The following TRPC4 variants were observed in gnomAD, a reference collection of about 807,000 sequenced individuals.
TRPC4 encodes transient receptor potential cation channel subfamily C member 4.
TRPC4 carries 49 observed loss-of-function variants against 99.4 expected under a neutral mutation model. That is an observed-to-expected ratio of 0.49 (90% CI 0.39 to 0.63). TRPC4 has a LOEUF of 0.63. TRPC4 is among the 20% of genes least tolerant of loss of function. The probability of loss-of-function intolerance (pLI) is 0.00; values close to 1 mark genes in which losing one functional copy is unlikely to be tolerated. For missense variants in TRPC4, 898 were observed against 1,152.9 expected (o/e 0.78, Z 3.20); for synonymous variants, 454 against 425.9 (o/e 1.07, Z -0.81).
chr13:37,642,092 A>T (rs573162785), intron 8 of TRPC4, among the ~76,000 whole-genome samples: 31 of 152,264 alleles, frequency 2.0e-4, no homozygotes, highest in African/African-American at 7.2e-4. Flanking sequence ...AAATCGTTAG[A>T]TGCCTTCAGC....
rs184484468 is a variant in TRPC4, at chr13:37,812,620, T to C, written c.-27-29260A>G. Reference sequence around the variant, plus strand: ...AAGAGAAAAAATTAAAAGAGCATTATTAAGCTGTGGAACACAGTCAGTCAC... The same window carrying C: ...AAGAGAAAAAATTAAAAGAGCATTACTAAGCTGTGGAACACAGTCAGTCAC... On this transcript the variant is annotated intron_variant, in intron 1 of 10. Coordinates refer to ENST00000379705, the MANE Select transcript of TRPC4 (RefSeq NM_016179.4). 3.1e-3 allele frequency among the ~76,000 whole-genome samples: 475 copies of C among 152,152 alleles called. 3 individuals are homozygous for C. Among genetic ancestry groups the C allele is most frequent in the African/African-American group, 0.011 (454 of 41,548 alleles).
In TRPC4 at chr13:37,636,735, T is replaced by C; in HGVS notation, c.*168A>G. ...AAAAGCAGGCTACAAAACAAAAAGGTTTTTGATTGCCTTTGCCTTATTTAA... is the reference window on the plus strand; with the variant it reads ...AAAAGCAGGCTACAAAACAAAAAGGCTTTTGATTGCCTTTGCCTTATTTAA... On this transcript the variant is annotated 3_prime_UTR_variant, in exon 11 of 11. Transcript: ENST00000379705. 1 of 896,610 alleles carries C rather than the reference T, an allele frequency of 1.1e-6. No homozygotes were observed. The highest frequency in any genetic ancestry group is 1.5e-6 in the Non-Finnish European group (1 of 654,676). 55.5% of individuals were successfully genotyped at this position (896,610 alleles called of 1,614,324 possible). A position where few individuals can be genotyped will look rare whatever the true frequency, so the allele number is the denominator to read the frequency against.
At chr13:37,700,405 T>G (rs968591318) in intron 3 of TRPC4, among the ~76,000 whole-genome samples, 8 of 151,992 alleles carry the variant, frequency 5.3e-5, no homozygotes, top group African/African-American at 1.9e-4. Flanking sequence ...CACAGAGGAG[T>G]GGCATGTTCA....
intron 1 of TRPC4, among the ~76,000 whole-genome samples, chr13:37,831,058 C>G (rs559968202): frequency 6.6e-6 from 1 of 151,750 alleles, no homozygotes; most frequent in South Asian, 2.1e-4. Flanking sequence ...TGCCTTGTCT[C>G]TTCGCTCTGT....
At chr13:37,851,486 C>T (rs1318460248) in intron 1 of TRPC4, among the ~76,000 whole-genome samples, 1 of 151,820 alleles carries the variant, frequency 6.6e-6, no homozygotes, top group Non-Finnish European at 1.5e-5. Flanking sequence ...TTTATGAGAC[C>T]TAAAATATAA....
chr13:37,761,979 A>T (rs931395636), intron 2 of TRPC4, among the ~76,000 whole-genome samples: 4 of 151,876 alleles, frequency 2.6e-5, no homozygotes, highest in African/African-American at 9.7e-5. Flanking sequence ...CAGGAATAAC[A>T]ATTAAATATT....
intron 1 of TRPC4, among the ~76,000 whole-genome samples, chr13:37,842,134 G>T (rs1045511960): frequency 2.6e-5 from 4 of 151,544 alleles, no homozygotes; most frequent in Non-Finnish European, 5.9e-5. Flanking sequence ...GCTGGGTGTG[G>T]TGGCATACAC....
intron 1 of TRPC4, among the ~76,000 whole-genome samples, chr13:37,820,973 AT>A (rs1957991166): frequency 6.6e-6 from 1 of 152,052 alleles, no homozygotes; most frequent in Non-Finnish European, 1.5e-5. Flanking sequence ...ATGAATCCAA[AT>A]AGGAAAAGAT....
chr13:37,798,601 G>GA lies in TRPC4; in HGVS notation c.-27-15242dup, dbSNP rs551306670. ...ATGATGGAACATTTAGATGAAAAGTGAAAAAAATACTTCCAAATATCAATC... is the reference window on the plus strand; with the variant it reads ...ATGATGGAACATTTAGATGAAAAGTGAAAAAAAATACTTCCAAATATCAATC... On this transcript the variant is annotated intron_variant, in intron 1 of 10. Coordinates refer to ENST00000379705, the MANE Select transcript of TRPC4 (RefSeq NM_016179.4). Among the ~76,000 whole-genome samples, 340 of 151,980 alleles carry GA rather than the reference G, an allele frequency of 2.2e-3. 1 individual carries two copies. The highest frequency in any genetic ancestry group is 7.5e-3 in the African/African-American group (310 of 41,452).
At chr13:37,745,456 A>ATATATGCG (rs1555265705) in intron 3 of TRPC4, among the ~76,000 whole-genome samples, 1 of 3,024 alleles carries the variant, frequency 3.3e-4, no homozygotes, top group East Asian at 3.9e-3. Context: ...ATATATATAT[A>ATATATGCG]TATATATATA....
intron 3 of TRPC4, among the ~76,000 whole-genome samples, chr13:37,711,931 A>C (rs1230227969): frequency 6.6e-6 from 1 of 152,112 alleles, no homozygotes; most frequent in African/African-American, 2.4e-5. Flanking sequence ...TAAGCAATAT[A>C]AACATTTATT....
intron 2 of TRPC4, among the ~76,000 whole-genome samples, chr13:37,747,522 T>A (rs749629098): frequency 3.9e-4 from 59 of 151,656 alleles, no homozygotes; most frequent in Non-Finnish European, 6.9e-4. Flanking sequence ...CAAAAAAAAA[T>A]GATGACTCAC....
At chr13:37,789,805 A>G (rs1957067236) in intron 1 of TRPC4, among the ~76,000 whole-genome samples, 1 of 152,076 alleles carries the variant, frequency 6.6e-6, no homozygotes, top group Admixed American at 6.6e-5. Flanking sequence ...TGGCTCAGAA[A>G]CATGTTTCTC....
chr13:37,725,621 A>T (rs1232620638), intron 3 of TRPC4, among the ~76,000 whole-genome samples: 2 of 152,174 alleles, frequency 1.3e-5, no homozygotes, highest in Non-Finnish European at 2.9e-5. Context: ...GAAACAAAAA[A>T]GAAATTCTGG....
chr13:37,797,873 A>G (rs1314473078), intron 1 of TRPC4, among the ~76,000 whole-genome samples: 1 of 152,132 alleles, frequency 6.6e-6, no homozygotes, highest in African/African-American at 2.4e-5. Context: ...GAATTTTGTT[A>G]TTCTGCACAG....
intron 7 of TRPC4, among the ~76,000 whole-genome samples, chr13:37,652,428 A>G (rs1475805560): frequency 7.9e-5 from 12 of 152,232 alleles, no homozygotes; most frequent in Non-Finnish European, 1.5e-4. Flanking sequence ...TCTGCGCAAC[A>G]TGGGTTTAAT....
intron 8 of TRPC4, among the ~76,000 whole-genome samples, chr13:37,644,872 C>CAAAAA (rs11446579): frequency 1.1e-3 from 90 of 80,860 alleles, no homozygotes; most frequent in East Asian, 5.3e-3. Context: ...GACTCCATCT[C>CAAAAA]AAAAAAAAAA....
At chr13:37,669,097 T>C (rs1398346652) in intron 5 of TRPC4, among the ~76,000 whole-genome samples, 1 of 152,148 alleles carries the variant, frequency 6.6e-6, no homozygotes, top group Admixed American at 6.5e-5. Flanking sequence ...GACATGCAGT[T>C]AGAACTATTT....
intron 3 of TRPC4, among the ~76,000 whole-genome samples, chr13:37,693,790 T>G (rs971805160): frequency 1.3e-5 from 2 of 152,156 alleles, no homozygotes; most frequent in African/African-American, 2.4e-5. Context: ...TCAATATATA[T>G]AGTGGGCAAA....
Sources: allele counts gnomAD v4.1 joint callset (sites outside exome capture counted in the v4.1 genomes callset), GRCh38; gene constraint gnomAD v4.1.1; transcripts MANE v1.5; gene names NCBI Gene and HGNC (gene_info 2026-07-23, HGNC 2026-07-21).